PTPRK: variants seen among roughly 807,000 people sequenced by gnomAD.
The protein encoded by PTPRK is protein tyrosine phosphatase receptor type K.
Under a neutral mutation model 178.0 loss-of-function variants are expected in PTPRK, and 75 were observed. That is an observed-to-expected ratio of 0.42 (90% CI 0.35 to 0.51). The LOEUF is 0.51. Among genes scored for constraint, PTPRK ranks in the 20% least tolerant of loss-of-function variants. PTPRK has a pLI of 0.02. For missense variants in PTPRK, 1,441 were observed against 1,797.8 expected (o/e 0.80, Z 3.59); for synonymous variants, 637 against 620.6 (o/e 1.03, Z -0.39).
chr6:128,447,580 A>G (rs1847190507), intron 1 of PTPRK, among the ~76,000 whole-genome samples: 3 of 151,838 alleles, frequency 2.0e-5, no homozygotes, highest in Admixed American at 6.6e-5. Context: ...TGCTTAAAGT[A>G]GCGGGAAAGC....
intron 13 of PTPRK, among the ~76,000 whole-genome samples, chr6:128,061,737 G>A (rs549111815): frequency 1.3e-5 from 2 of 152,222 alleles, no homozygotes; most frequent in Admixed American, 1.3e-4. Context: ...CTGATAGAAG[G>A]AAACCTTCAC....
chr6:128,156,471 A>T (rs1451290984), intron 7 of PTPRK, among the ~76,000 whole-genome samples: 1 of 151,686 alleles, frequency 6.6e-6, no homozygotes, highest in Non-Finnish European at 1.5e-5. Context: ...ACATTTAACC[A>T]TGGTGGAGCA....
At chr6:128,015,016 G>A (rs1231167955) in intron 13 of PTPRK, among the ~76,000 whole-genome samples, 1 of 151,566 alleles carries the variant, frequency 6.6e-6, no homozygotes, top group Admixed American at 6.6e-5. Context: ...TTCTGATGTG[G>A]AAAATAGTGC....
chr6:128,009,845 A>G (rs1778857000), intron 13 of PTPRK, among the ~76,000 whole-genome samples: 1 of 151,296 alleles, frequency 6.6e-6, no homozygotes, highest in Non-Finnish European at 1.5e-5. Context: ...ACCAAGGAAT[A>G]TTTCAAATTC....
At chr6:128,285,365 A>C (rs956048733) in intron 3 of PTPRK, among the ~76,000 whole-genome samples, 28 of 151,622 alleles carry the variant, frequency 1.8e-4, no homozygotes, top group African/African-American at 6.8e-4. Flanking sequence ...AAATACAAAA[A>C]TTAGCCAGGC....
At chr6:128,293,398 A>ACAAAG (rs1823736470) in intron 3 of PTPRK, among the ~76,000 whole-genome samples, 1 of 151,844 alleles carries the variant, frequency 6.6e-6, no homozygotes, top group Non-Finnish European at 1.5e-5. Flanking sequence ...ACAAAACAAA[A>ACAAAG]CCCCACAAGC....
Position 127,982,920 on chromosome 6 carries a change from T to C in PTPRK, c.3448A>G (p.Ile1150Val). Residue 1150 changes from isoleucine (I) to valine (V), a missense_variant, in exon 24 of 30, where the codon ATA becomes GTA. Physicochemically the swap from Ile to Val is conservative, Grantham distance 29 (BLOSUM62 3). Around this residue, in one of 4 missense-constraint regions of PTPRK, gnomAD observed 335 missense variants for 512.4 expected, o/e 0.65. Coordinates refer to ENST00000368226, the MANE Select transcript of PTPRK (RefSeq NM_002844.4). Reference protein sequence around the residue: ...LEACLCGETAIPVCEFKAAYF... With the variant: ...LEACLCGETAVPVCEFKAAYF... ...GCAGCTTTAAATTCACAGACAGGTA[T>C]GGCAGTTTCTCCACATAAGCAGGCT... 2 of 1,612,454 alleles carry C rather than the reference T, an allele frequency of 1.2e-6. No homozygotes were observed. Among genetic ancestry groups the C allele is most frequent in the Admixed American group, 1.7e-5 (1 of 60,026 alleles).
At chr6:128,100,855 A>C (rs866993813) in intron 7 of PTPRK, among the ~76,000 whole-genome samples, 2 of 152,024 alleles carry the variant, frequency 1.3e-5, no homozygotes, top group Non-Finnish European at 2.9e-5. Flanking sequence ...CCTTAGAAGA[A>C]AATAAAATCT....
intron 7 of PTPRK, among the ~76,000 whole-genome samples, chr6:128,111,822 A>G (rs1313140700): frequency 6.6e-6 from 1 of 151,854 alleles, no homozygotes; most frequent in Non-Finnish European, 1.5e-5. Context: ...GCATTTTTAG[A>G]TGATCAGTTT....
chr6:128,136,398 C>G (rs1795020497), intron 7 of PTPRK, among the ~76,000 whole-genome samples: 1 of 152,136 alleles, frequency 6.6e-6, no homozygotes, highest in Non-Finnish European at 1.5e-5. Flanking sequence ...CACATCCCAT[C>G]TAAATTTTCG....
chr6:128,050,151 T>A (rs1448155058), intron 13 of PTPRK, among the ~76,000 whole-genome samples: 1 of 149,866 alleles, frequency 6.7e-6, no homozygotes, highest in Non-Finnish European at 1.5e-5. Context: ...AAAAAAAAAA[T>A]AGATAGAGCA....
At chr6:128,366,766 T>C (rs916828941) in intron 2 of PTPRK, among the ~76,000 whole-genome samples, 1 of 152,152 alleles carries the variant, frequency 6.6e-6, no homozygotes, top group Non-Finnish European at 1.5e-5. Flanking sequence ...TAAAACCAAC[T>C]GTGTGGGTTC....
intron 1 of PTPRK, among the ~76,000 whole-genome samples, chr6:128,404,413 A>G (rs1030765762): frequency 6.6e-6 from 1 of 152,254 alleles, no homozygotes; most frequent in Non-Finnish European, 1.5e-5. Context: ...ATCTCCTACT[A>G]TGCTTCACTA....
intron 5 of PTPRK, among the ~76,000 whole-genome samples, chr6:128,220,637 T>C (rs1487550838): frequency 6.6e-6 from 1 of 152,216 alleles, no homozygotes; most frequent in Non-Finnish European, 1.5e-5. Context: ...ACCCGGCAAT[T>C]CTACTTCTAG....
At chr6:128,294,288 G>A (rs541619007) in intron 3 of PTPRK, among the ~76,000 whole-genome samples, 6 of 152,056 alleles carry the variant, frequency 3.9e-5, no homozygotes, top group African/African-American at 1.2e-4. Context: ...TCTTTCTAAG[G>A]TGTCCATTAT....
intron 4 of PTPRK, 114 bp from the exon 5 acceptor site, chr6:128,240,264 C>T (rs936615736): frequency 2.6e-6 from 2 of 764,432 alleles, no homozygotes; most frequent in Non-Finnish European, 4.2e-6. Context: ...CCAAGACTAA[C>T]ATCAGAAAGA....
chr6:128,355,673 C>T (rs1341744487), intron 2 of PTPRK, among the ~76,000 whole-genome samples: 2 of 152,146 alleles, frequency 1.3e-5, no homozygotes, highest in Non-Finnish European at 2.9e-5. Context: ...GGAGGGATAG[C>T]TTTAGGAGAT....
chr6:128,197,187 T>TC (rs1419130831), intron 6 of PTPRK, among the ~76,000 whole-genome samples: 10 of 150,472 alleles, frequency 6.6e-5, no homozygotes, highest in Admixed American at 6.6e-4. Context: ...TTTTTTTCTT[T>TC]TTTTTTTTTT....
At chr6:127,973,525 G>T in intron 28 of PTPRK, 139 bp downstream of exon 28, 2 of 912,760 alleles carry the variant, frequency 2.2e-6, no homozygotes, top group East Asian at 2.6e-5. Flanking sequence ...GTTAATTATA[G>T]ACTCATGAGA....
Sources: gnomAD v4.1 joint callset for allele counts (sites outside exome capture counted in the v4.1 genomes callset) on GRCh38, gnomAD v4.1.1 for gene constraint, gnomAD v4.1.1 regional missense constraint, MANE v1.5 for transcripts, NCBI Gene and HGNC (gene_info 2026-07-23, HGNC 2026-07-21) for gene names.